SORCS2: variants seen among roughly 807,000 people sequenced by gnomAD.
SORCS2 encodes VPS10 domain-containing receptor SorCS2.
A neutral mutation model predicts 141.6 loss-of-function variants in SORCS2; 100 were observed. The ratio of observed to expected loss-of-function variants is 0.71; its 90% CI spans 0.60 to 0.83. The LOEUF (loss-of-function observed/expected upper bound fraction) is 0.83. Ranked by LOEUF, SORCS2 falls within the 40% of genes least tolerant of loss-of-function variation. SORCS2 has a pLI of 0.00. For synonymous variants in SORCS2, 789 were observed against 676.9 expected, an observed-to-expected ratio of 1.17 and a Z score of -2.57; for missense variants, 1,646 against 1,560.2, an observed-to-expected ratio of 1.05 and a Z score of -0.93.
intron 2 of SORCS2, among the ~76,000 whole-genome samples, chr4:7,437,949 G>A (rs1054118414): frequency 1.1e-4 from 16 of 152,140 alleles, no homozygotes; most frequent in Admixed American, 2.0e-4. Flanking sequence ...ACCTTCGAGC[G>A]TAGGTGGAGA....
At chr4:7,734,810 C>T (rs1712031923) in intron 25 of SORCS2, among the ~76,000 whole-genome samples, 1 of 152,222 alleles carries the variant, frequency 6.6e-6, no homozygotes, top group Admixed American at 6.5e-5. Flanking sequence ...CGGCCGCCCG[C>T]CCATCCCTTC....
At chr4:7,341,456 C>T (rs1720365027) in intron 1 of SORCS2, among the ~76,000 whole-genome samples, 1 of 152,208 alleles carries the variant, frequency 6.6e-6, no homozygotes, top group Non-Finnish European at 1.5e-5. Context: ...CCAGGTTTGG[C>T]CTTCCTGGCT....
chr4:7,580,412 C>A (rs1349396872), intron 3 of SORCS2, among the ~76,000 whole-genome samples: 1 of 151,988 alleles, frequency 6.6e-6, no homozygotes, highest in African/African-American at 2.4e-5. Flanking sequence ...ATCGCTTGAA[C>A]CTGGGAGGCG....
Position 7,499,875 on chromosome 4 carries a change from G to A in SORCS2, c.549-31655G>A, listed in dbSNP as rs58749303. 3.9e-5 allele frequency among the ~76,000 whole-genome samples: 6 copies of A among 152,232 alleles called. No individual in the cohort carries two copies. The East Asian group carries it at 9.7e-4, about 25-fold the overall frequency. ...GGGTGGACCCCCTCCCAGGCAGCGCGCAGTGGAGAAGGGCCGTGAGGAGGA... is the reference window on the plus strand; with the variant it reads ...GGGTGGACCCCCTCCCAGGCAGCGCACAGTGGAGAAGGGCCGTGAGGAGGA... On this transcript the variant is annotated intron_variant, in intron 2 of 26. Coordinates refer to ENST00000507866, the MANE Select transcript of SORCS2 (RefSeq NM_020777.3).
intron 1 of SORCS2, among the ~76,000 whole-genome samples, chr4:7,217,707 TG>T (rs1728448093): frequency 6.6e-6 from 1 of 152,048 alleles, no homozygotes; most frequent in South Asian, 2.1e-4. Flanking sequence ...TAGCTGTGTG[TG>T]GGGGTGTGTG....
At chr4:7,471,029 A>T (rs1729944497) in intron 2 of SORCS2, among the ~76,000 whole-genome samples, 2 of 152,116 alleles carry the variant, frequency 1.3e-5, no homozygotes, top group Admixed American at 1.3e-4. Context: ...CTGAGACCCA[A>T]ATGAGGGGGC....
intron 1 of SORCS2, among the ~76,000 whole-genome samples, chr4:7,247,610 G>C (rs1363865461): frequency 6.6e-6 from 1 of 152,216 alleles, no homozygotes. Context: ...GGCGTGTTAG[G>C]GTTGCTGGAG....
At chr4:7,451,812 G>A (rs576208019) in intron 2 of SORCS2, among the ~76,000 whole-genome samples, 2 of 152,310 alleles carry the variant, frequency 1.3e-5, no homozygotes, top group East Asian at 1.9e-4. Flanking sequence ...AGACTGAAGC[G>A]GGGAGCTCAG....
At chr4:7,739,987 C>T (rs1276973812) in intron 26 of SORCS2, among the ~76,000 whole-genome samples, 2 of 152,152 alleles carry the variant, frequency 1.3e-5, no homozygotes, top group African/African-American at 2.4e-5. Context: ...CCTCTGGGGC[C>T]CACTGCTTGT....
At chr4:7,571,726 G>A (rs1226625213) in intron 3 of SORCS2, among the ~76,000 whole-genome samples, 2 of 152,166 alleles carry the variant, frequency 1.3e-5, no homozygotes, top group Non-Finnish European at 2.9e-5. Context: ...AGGAAAAGGG[G>A]CCAAGGCCAG....
chr4:7,470,209 T>TCATCCTCC (rs1729885799), intron 2 of SORCS2, among the ~76,000 whole-genome samples: 1 of 145,040 alleles, frequency 6.9e-6, no homozygotes. Flanking sequence ...ATCCATCCTC[T>TCATCCTCC]CATCCTCCCA....
At chr4:7,479,893 G>T (rs1385913393) in intron 2 of SORCS2, among the ~76,000 whole-genome samples, 1 of 152,252 alleles carries the variant, frequency 6.6e-6, no homozygotes, top group Non-Finnish European at 1.5e-5. Flanking sequence ...GACTGGGGAT[G>T]CTGCGATGCA....
intron 4 of SORCS2, among the ~76,000 whole-genome samples, chr4:7,651,256 C>T (rs961897337): frequency 9.9e-5 from 15 of 152,192 alleles, no homozygotes; most frequent in African/African-American, 3.4e-4. Flanking sequence ...ACGGGCTAGA[C>T]TTCCAAAGCA....
chr4:7,596,258 G>A (rs777849131), intron 3 of SORCS2, among the ~76,000 whole-genome samples: 6 of 152,172 alleles, frequency 3.9e-5, no homozygotes, highest in Admixed American at 3.3e-4. Context: ...TGAGGATTCC[G>A]GTGAGATTCA....
At chr4:7,198,749 A>T (rs1727314058) in intron 1 of SORCS2, among the ~76,000 whole-genome samples, 1 of 152,060 alleles carries the variant, frequency 6.6e-6, no homozygotes, top group African/African-American at 2.4e-5. Context: ...CCTGTCCGGG[A>T]CCCTGGGCCT....
At chr4:7,215,083 G>A (rs1400112820) in intron 1 of SORCS2, among the ~76,000 whole-genome samples, 1 of 152,284 alleles carries the variant, frequency 6.6e-6, no homozygotes, top group South Asian at 2.1e-4. Flanking sequence ...TTCCTGGGCT[G>A]GCCAAGGCAG....
At chr4:7,348,304 C>T (rs1267215796) in intron 1 of SORCS2, among the ~76,000 whole-genome samples, 3 of 152,202 alleles carry the variant, frequency 2.0e-5, no homozygotes, top group Admixed American at 6.5e-5. Context: ...GCATATTGTG[C>T]GAGGAAACTG....
intron 1 of SORCS2, among the ~76,000 whole-genome samples, chr4:7,369,811 C>T (rs1447698967): frequency 1.3e-5 from 2 of 152,218 alleles, no homozygotes; most frequent in East Asian, 3.9e-4. Context: ...ACCATGGGCA[C>T]GTGGCAGGGC....
At chr4:7,312,379 C>T (rs1718240356) in intron 1 of SORCS2, among the ~76,000 whole-genome samples, 1 of 152,190 alleles carries the variant, frequency 6.6e-6, no homozygotes, top group African/African-American at 2.4e-5. Context: ...GCTCTGCACC[C>T]AAGCTGGGAT....
Sources: allele counts gnomAD v4.1 joint callset (sites outside exome capture counted in the v4.1 genomes callset), GRCh38; gene constraint gnomAD v4.1.1; transcripts MANE v1.5; gene names NCBI Gene and HGNC (gene_info 2026-07-23, HGNC 2026-07-21).